The following PSMD5 variants were observed in gnomAD, a reference collection of about 807,000 sequenced individuals.
The protein encoded by PSMD5 is proteasome 26S subunit, non-ATPase 5.
In PSMD5, 40 loss-of-function variants were observed where a neutral mutation model predicts 52.1. The observed-to-expected ratio is 0.77, with a 90% confidence interval of 0.60 to 1.00. The LOEUF is 1.00. Among genes scored for constraint, PSMD5 ranks in the 50% least tolerant of loss-of-function variants. The pLI is 0.00. For missense variants in PSMD5, 575 were observed against 605.2 expected, an observed-to-expected ratio of 0.95 and a Z score of 0.52; for synonymous variants, 211 against 226.6, an observed-to-expected ratio of 0.93 and a Z score of 0.62.
At position 120,817,949 on chromosome 9, in the gene PSMD5, T is replaced by G. The variant is rs1178645787; in HGVS notation, c.1472A>C (p.Tyr491Ser). 6.2e-7 allele frequency: 1 copy of G among 1,614,186 alleles called. No homozygotes were observed. Among genetic ancestry groups the G allele is most frequent in the Non-Finnish European group, 8.5e-7 (1 of 1,180,008 alleles). Residue 491 changes from tyrosine (Y) to serine (S), a missense_variant, in exon 10 of 10, where the codon TAT (tyrosine) becomes TCT (serine). Physicochemically the swap from Tyr to Ser is moderately radical, Grantham distance 144. Coordinates refer to ENST00000210313, the MANE Select transcript of PSMD5 (RefSeq NM_005047.4). The part of the protein sequence containing the change: ...LRTYLSEGPY[Y>S]VKPVSTTAVE... ...TGCTGTCGTGGAAACAGGTTTCACA[T>G]AGTATGGCCCTTCACTCAGGTAAGT...
At position 120,824,705 on chromosome 9, in the gene PSMD5, T is replaced by C; in HGVS notation, c.815-20A>G. 6.4e-7 allele frequency: 1 copy of C among 1,566,494 alleles called. No individual in the cohort carries two copies. The highest frequency in any genetic ancestry group is 1.2e-5 in the South Asian group (1 of 83,110). ...CGAATCCTAAAGAGATTTACAAAAA[T>C]ATATTTTAATAGGGGAACAAGACAG... On this transcript the variant is annotated intron_variant, in intron 6 of 9. Coordinates refer to ENST00000210313, the MANE Select transcript of PSMD5 (RefSeq NM_005047.4).
In PSMD5 at chr9:120,829,201, A is replaced by G; in HGVS notation, c.569T>C (p.Ile190Thr). The change falls in exon 5 of 10, where the codon ATA becomes ACA. Residue 190 changes from isoleucine to threonine, a missense_variant. Coordinates refer to ENST00000210313, the MANE Select transcript of PSMD5 (RefSeq NM_005047.4). ...IVRYRVYELI[I>T]EISSVSPESL... ...TTCTGGTGACACGGAAGAAATCTCT[A>G]TAATTAGCTGAAATAAAAAAAAAAA... is the stretch of plus-strand genomic sequence containing the variant. 7 of 1,584,718 alleles carry G rather than the reference A, an allele frequency of 4.4e-6. No individual in the cohort carries two copies. The highest frequency in any genetic ancestry group is 1.4e-5 in the African/African-American group (1 of 72,966).
chr9:120,828,571 G>A (rs1389174885), intron 5 of PSMD5, among the ~76,000 whole-genome samples: 2 of 151,368 alleles, frequency 1.3e-5, no homozygotes, highest in Admixed American at 1.3e-4. Flanking sequence ...GGGAATATAG[G>A]CACATGCCAC....
intron 5 of PSMD5, among the ~76,000 whole-genome samples, chr9:120,827,521 T>A (rs759497026): frequency 6.6e-6 from 1 of 152,236 alleles, no homozygotes; most frequent in African/African-American, 2.4e-5. Flanking sequence ...TTTATTTAGT[T>A]GGTGGTTGAT....
intron 9 of PSMD5, among the ~76,000 whole-genome samples, chr9:120,820,098 C>T (rs1301258364): frequency 2.0e-5 from 3 of 152,010 alleles, no homozygotes; most frequent in African/African-American, 7.3e-5. Context: ...TAAGACAAGT[C>T]GATAAATAAA....
Position 120,829,142 on chromosome 9 carries a change from T to C in PSMD5, c.628A>G (p.Thr210Ala). 1.2e-6 allele frequency: 2 copies of C among 1,608,352 alleles called. No homozygotes were observed. The highest frequency in any genetic ancestry group is 2.2e-5 in the South Asian group (2 of 90,090). ...CCAGTCAGCTCTCTCAGGAGCTGGG[T>C]TACCAATCCACTTGTGGTACAGTAG... The part of the protein sequence containing the change: ...LNYCTTSGLV[T>A]QLLRELTGED... The change falls in exon 5 of 10, where the codon ACC (threonine) becomes GCC (alanine). Residue 210 changes from threonine (T) to alanine (A), a missense_variant. Transcript: ENST00000210313.
Position 120,834,689 on chromosome 9 carries a change from G to A in PSMD5, c.174-1233C>T, listed in dbSNP as rs1588071585. Among the ~76,000 whole-genome samples, 3 of 152,358 alleles carry A rather than the reference G, an allele frequency of 2.0e-5. 1 individual carries two copies. In the South Asian group the frequency reaches 6.2e-4, roughly 32 times the overall value. On this transcript the variant is annotated intron_variant, in intron 1 of 9. Coordinates refer to ENST00000210313, the MANE Select transcript of PSMD5 (RefSeq NM_005047.4). ...GATTCTAACAGGTATTTTATGTCAT[G>A]CTTGGAATTTAGACTTCTTCCAGAA...
chr9:120,830,886 A>AATATATAT (rs113275671), intron 4 of PSMD5, among the ~76,000 whole-genome samples: 15 of 149,196 alleles, frequency 1.0e-4, no homozygotes, highest in African/African-American at 3.2e-4. Flanking sequence ...TTGCACTGTA[A>AATATATAT]ATATATATAT....
chr9:120,820,229 A>G (rs572438305), intron 9 of PSMD5, among the ~76,000 whole-genome samples: 123 of 152,228 alleles, frequency 8.1e-4, no homozygotes, highest in Non-Finnish European at 1.5e-3. Context: ...AGGAAACTAC[A>G]TGAAAGGAAG....
intron 2 of PSMD5, among the ~76,000 whole-genome samples, chr9:120,832,469 T>C (rs2131430906): frequency 6.9e-6 from 1 of 145,004 alleles, no homozygotes; most frequent in East Asian, 2.1e-4. Context: ...CGATCTCAGC[T>C]CACTACAACC....
chr9:120,840,619 CTTTT>C (rs35843505), intron 1 of PSMD5, among the ~76,000 whole-genome samples: 4 of 116,172 alleles, frequency 3.4e-5, no homozygotes, highest in Non-Finnish European at 3.6e-5. Context: ...CTAATTTTTG[CTTTT>C]TTTTTTTTTT....
Position 120,821,484 on chromosome 9 carries a change from G to A in PSMD5, c.1007-20C>T, listed in dbSNP as rs568129945. On this transcript the variant is annotated intron_variant, in intron 7 of 9. Coordinates refer to ENST00000210313, the MANE Select transcript of PSMD5 (RefSeq NM_005047.4). The stretch of plus-strand genomic sequence containing the variant: ...GAGTTCCTTTGAAGGATAACAGTGA[G>A]ATTCTTCTTTATTATGGTAAAATAT... 10 of 1,479,386 alleles carry A rather than the reference G, an allele frequency of 6.8e-6. No individual in the cohort carries two copies. In the South Asian group the frequency reaches 1.2e-4, roughly 18 times the overall value. 91.6% of individuals were successfully genotyped at this position (1,479,386 alleles called of 1,614,324 possible).
intron 6 of PSMD5, chr9:120,826,547 G>A (rs752266997): frequency 2.0e-6 from 1 of 509,006 alleles, no homozygotes; most frequent in Non-Finnish European, 3.4e-6. Flanking sequence ...GCATCCATAG[G>A]ATAAATCCCA....
At chr9:120,819,163 A>C (rs1004892985) in intron 9 of PSMD5, among the ~76,000 whole-genome samples, 1 of 152,244 alleles carries the variant, frequency 6.6e-6, no homozygotes, top group African/African-American at 2.4e-5. Flanking sequence ...AAAAGAAGTA[A>C]CAAGTTTATG....
At chr9:120,840,747 G>T (rs2045229354) in intron 1 of PSMD5, among the ~76,000 whole-genome samples, 1 of 151,490 alleles carries the variant, frequency 6.6e-6, no homozygotes, top group African/African-American at 2.4e-5. Flanking sequence ...AGCCTCCAGA[G>T]TAGCTGGGAC....
intron 1 of PSMD5, among the ~76,000 whole-genome samples, chr9:120,836,631 A>G (rs887213540): frequency 9.9e-5 from 15 of 152,004 alleles, no homozygotes; most frequent in Admixed American, 1.3e-4. Flanking sequence ...TCCTGACCTC[A>G]GGTGATCCAC....
chr9:120,824,189 T>C, intron 7 of PSMD5: 1 of 382,166 alleles, frequency 2.6e-6, no homozygotes, highest in East Asian at 5.9e-5. Flanking sequence ...CCGTGGTCTT[T>C]GTACCATGAA....
At chr9:120,841,872 C>A (rs894272952) in intron 1 of PSMD5, 1 of 152,182 alleles carries the variant, frequency 6.6e-6, no homozygotes, top group African/African-American at 2.4e-5. Context: ...ACCTAGCCAG[C>A]GGCAGGTTTC....
chr9:120,825,993 CTTT>C (rs1194375987), intron 6 of PSMD5, among the ~76,000 whole-genome samples: 3 of 131,248 alleles, frequency 2.3e-5, no homozygotes. Context: ...TTGTCCTGAT[CTTT>C]TTTTTTTTTT....
Sources: allele counts gnomAD v4.1 joint callset (sites outside exome capture counted in the v4.1 genomes callset), GRCh38; gene constraint gnomAD v4.1.1; transcripts MANE v1.5; gene names NCBI Gene and HGNC (gene_info 2026-07-23, HGNC 2026-07-21).